The following FAM184A variants were observed in gnomAD, a reference collection of about 807,000 sequenced individuals.
FAM184A encodes the protein protein FAM184A.
A neutral mutation model predicts 143.8 loss-of-function variants in FAM184A; 99 were observed. The observed-to-expected ratio is 0.69, with a 90% CI of 0.58 to 0.81. FAM184A has a LOEUF of 0.81. Ranked by LOEUF, FAM184A falls within the 40% of genes least tolerant of loss-of-function variation. The pLI is 0.00. For synonymous variants in FAM184A, 427 were observed against 446.4 expected (o/e 0.96, Z 0.55); for missense variants, 1,217 against 1,310.5 (o/e 0.93, Z 1.10).
chr6:119,009,618 T>G (rs1287892476), intron 6 of FAM184A: 1 of 152,276 alleles, frequency 6.6e-6, no homozygotes, highest in Non-Finnish European at 1.5e-5. Context: ...CTAATACCAC[T>G]GGTATTCTTA....
At chr6:119,085,999 A>T (rs1399448918) in intron 1 of FAM184A, among the ~76,000 whole-genome samples, 1 of 152,164 alleles carries the variant, frequency 6.6e-6, no homozygotes, top group Non-Finnish European at 1.5e-5. Context: ...TGCCCTCATG[A>T]TCCAATCACC....
rs57478039 is a variant in FAM184A at position 118,979,879 on chromosome 6, C to CAA, written c.2301+257_2301+258dup. Among the ~76,000 whole-genome samples, 348 of 141,202 alleles carry CAA rather than the reference C, an allele frequency of 2.5e-3. 2 individuals are homozygous for CAA. Among genetic ancestry groups the CAA allele is most frequent in the African/African-American group, 7.4e-3 (276 of 37,540 alleles). 92.6% of individuals were successfully genotyped at this position (141,202 alleles called of 152,430 possible). A position where few individuals can be genotyped will look rare whatever the true frequency, so the allele number is the denominator to read the frequency against. Reference sequence around the variant, plus strand: ...GCAACATAGCGAGACCCTGTTTCTACAAAAAAAAAAAAATTAAAAAATTAG... The same window carrying CAA: ...GCAACATAGCGAGACCCTGTTTCTACAAAAAAAAAAAAAAATTAAAAAATTAG... On this transcript the variant is annotated intron_variant, in intron 10 of 17. Coordinates refer to ENST00000338891, the MANE Select transcript of FAM184A (RefSeq NM_024581.6).
intron 13 of FAM184A, among the ~76,000 whole-genome samples, 196 bp from the exon 14 acceptor site, chr6:118,974,770 A>G (rs1029208389): frequency 6.6e-6 from 1 of 152,184 alleles, no homozygotes; most frequent in Non-Finnish European, 1.5e-5. Flanking sequence ...GCTTTTTCAA[A>G]TAACATTTTA....
chr6:119,025,332 T>G, intron 1 of FAM184A: 2 of 405,094 alleles, frequency 4.9e-6, no homozygotes, highest in Non-Finnish European at 9.5e-6. Flanking sequence ...ATTTCAAATT[T>G]TAAACTTTCC....
At chr6:119,105,401 G>T (rs778817968) in intron 1 of FAM184A, among the ~76,000 whole-genome samples, 20 of 152,040 alleles carry the variant, frequency 1.3e-4, no homozygotes, top group Non-Finnish European at 2.4e-4. Context: ...GAGATCTGAT[G>T]GTTTAAAAGT....
intron 13 of FAM184A, 135 bp downstream of exon 13, chr6:118,974,889 A>G (rs1465837679): frequency 1.6e-6 from 1 of 643,620 alleles, no homozygotes; most frequent in African/African-American, 1.8e-5. Context: ...TAGTCATCAA[A>G]TAAAGTAAAA....
rs34570036 is a variant in FAM184A at position 119,101,069 on chromosome 6, C to CTTT, written c.-202+48006_-202+48008dup. Among the ~76,000 whole-genome samples, 257 of 139,714 alleles carry CTTT rather than the reference C, an allele frequency of 1.8e-3. 3 individuals carry two copies. Among genetic ancestry groups the CTTT allele is most frequent in the African/African-American group, 5.5e-3 (206 of 37,616 alleles). 91.7% of individuals were successfully genotyped at this position (139,714 alleles called of 152,430 possible). A position where few individuals can be genotyped will look rare whatever the true frequency, so the allele number is the denominator to read the frequency against. On this transcript the variant is annotated intron_variant, in intron 1 of 16. Coordinates refer to the FAM184A transcript ENST00000352896. The stretch of plus-strand genomic sequence containing the variant: ...TCTCACATTTCTCACAATGCACTTT[C>CTTT]TTTTTTTTTTTTTGTAGATGGAGTT...
At chr6:119,077,884 G>C (rs1329369624) in intron 1 of FAM184A, among the ~76,000 whole-genome samples, 1 of 152,252 alleles carries the variant, frequency 6.6e-6, no homozygotes, top group Non-Finnish European at 1.5e-5. Context: ...AATTTGTTCT[G>C]TGCTGGTTTA....
At chr6:119,141,417 G>C (rs1257820916) in intron 1 of FAM184A, among the ~76,000 whole-genome samples, 2 of 152,258 alleles carry the variant, frequency 1.3e-5, no homozygotes, top group African/African-American at 4.8e-5. Flanking sequence ...ATGCAGGGCT[G>C]CTGCCTGCTG....
chr6:118,989,251 C>G (rs1340329777), intron 9 of FAM184A, among the ~76,000 whole-genome samples: 2 of 151,492 alleles, frequency 1.3e-5, no homozygotes, highest in African/African-American at 2.4e-5. Flanking sequence ...CGTGAGCCAC[C>G]GCGCCCAGCC....
chr6:118,973,609 G>C (rs1011364667), intron 14 of FAM184A, among the ~76,000 whole-genome samples: 6 of 152,086 alleles, frequency 3.9e-5, no homozygotes, highest in African/African-American at 7.2e-5. Context: ...GAAGAGGAGA[G>C]ACTAAAGGTG....
intron 2 of FAM184A, 30 bp from the exon 3 acceptor site, chr6:119,023,110 A>G (rs1226793174): frequency 6.2e-7 from 1 of 1,611,192 alleles, no homozygotes; most frequent in East Asian, 2.2e-5. Flanking sequence ...CATTGTTAAA[A>G]TGCAGGAATA....
chr6:119,031,152 A>G (rs1785855377), intron 1 of FAM184A, among the ~76,000 whole-genome samples: 1 of 152,190 alleles, frequency 6.6e-6, no homozygotes, highest in Admixed American at 6.5e-5. Flanking sequence ...TCTAGATCCT[A>G]GGTTTAACAT....
chr6:119,086,008 C>T (rs2114813450), intron 1 of FAM184A, among the ~76,000 whole-genome samples: 1 of 152,290 alleles, frequency 6.6e-6, no homozygotes, highest in Non-Finnish European at 1.5e-5. Context: ...GATCCAATCA[C>T]CTCCTACCAG....
chr6:118,989,520 T>G (rs1007224037), intron 9 of FAM184A, among the ~76,000 whole-genome samples: 2 of 152,090 alleles, frequency 1.3e-5, no homozygotes, highest in African/African-American at 4.8e-5. Flanking sequence ...TAAAGATAGT[T>G]TTTATTGGAA....
chr6:118,980,319 TG>T lies in FAM184A; in HGVS notation c.2119del (p.Gln707SerfsTer30). 6.2e-7 allele frequency: 1 copy of T among 1,613,932 alleles called. No individual in the cohort carries two copies. The highest frequency in any genetic ancestry group is 8.5e-7 in the Non-Finnish European group (1 of 1,179,860). Reference sequence around the variant, plus strand: ...CAAAGAAGTCTGAGACTGGGAAAGCTGTATCTCCAGATTCTGTTTCAGCAAG... The same window carrying T: ...CAAAGAAGTCTGAGACTGGGAAAGCTTATCTCCAGATTCTGTTTCAGCAAG... ...ISLLKQNLEI[Q>X]LSQSQTSLQQ... is the part of the protein sequence containing the mutation. On this transcript the variant is annotated frameshift_variant, in exon 10 of 18. Transcript: ENST00000338891. LOFTEE classifies it high-confidence loss of function.
At chr6:118,978,597 T>C (rs1332381330) in intron 11 of FAM184A, among the ~76,000 whole-genome samples, 2 of 152,180 alleles carry the variant, frequency 1.3e-5, no homozygotes, top group African/African-American at 4.8e-5. Flanking sequence ...TTTAACGACT[T>C]GGTCTGGGAC....
chr6:119,008,419 G>A (rs1040822286), intron 6 of FAM184A, among the ~76,000 whole-genome samples: 3 of 152,166 alleles, frequency 2.0e-5, no homozygotes, highest in Admixed American at 6.5e-5. Flanking sequence ...CCAGCTCCAC[G>A]TATACCTCAG....
chr6:119,015,130 C>T (rs943708397), intron 5 of FAM184A, among the ~76,000 whole-genome samples: 1 of 152,038 alleles, frequency 6.6e-6, no homozygotes, highest in Non-Finnish European at 1.5e-5. Flanking sequence ...CAATATAGGT[C>T]ACACTGGACT....
Sources: allele counts gnomAD v4.1 joint callset (sites outside exome capture counted in the v4.1 genomes callset), GRCh38; gene constraint gnomAD v4.1.1; transcripts MANE v1.5; gene names NCBI Gene and HGNC (gene_info 2026-07-23, HGNC 2026-07-21).